The following KSR2 variants were observed in gnomAD, a reference collection of about 807,000 sequenced individuals.
KSR2 encodes the protein kinase suppressor of ras 2.
Under a neutral mutation model 107.8 loss-of-function variants are expected in KSR2, and 25 were observed. The ratio of observed to expected loss-of-function variants is 0.23; its 90% CI spans 0.17 to 0.32. The LOEUF is 0.32. Ranked by LOEUF, KSR2 falls within the 10% of genes least tolerant of loss-of-function variation. The pLI is 1.00. For synonymous variants in KSR2, 480 were observed against 507.0 expected (o/e 0.95, Z 0.71); for missense variants, 887 against 1,268.9 (o/e 0.70, Z 4.57).
intron 3 of KSR2, among the ~76,000 whole-genome samples, chr12:117,851,897 A>AG (rs1349594789): frequency 6.6e-6 from 1 of 152,062 alleles, no homozygotes; most frequent in Non-Finnish European, 1.5e-5. Context: ...TTAAAAAAAA[A>AG]AAAAAGAAAG....
At chr12:117,479,593 A>C (rs1565865633) in intron 16 of KSR2, among the ~76,000 whole-genome samples, 2 of 152,194 alleles carry the variant, frequency 1.3e-5, no homozygotes, top group Admixed American at 6.5e-5. Context: ...ACATCATCAA[A>C]TGTCCCCTGG....
intron 18 of KSR2, among the ~76,000 whole-genome samples, chr12:117,470,141 CTA>C (rs1013811010): frequency 5.9e-5 from 9 of 151,634 alleles, no homozygotes; most frequent in Non-Finnish European, 1.2e-4. Flanking sequence ...ATGCATGCAT[CTA>C]TATATCCACC....
chr12:117,862,153 C>T (rs1893321428), intron 1 of KSR2, among the ~76,000 whole-genome samples: 1 of 151,742 alleles, frequency 6.6e-6, no homozygotes, highest in South Asian at 2.1e-4. Context: ...CCTTGAACTC[C>T]CTGGCTCAAG....
intron 3 of KSR2, among the ~76,000 whole-genome samples, chr12:117,813,517 C>G (rs1891272801): frequency 6.6e-6 from 1 of 152,060 alleles, no homozygotes; most frequent in African/African-American, 2.4e-5. Flanking sequence ...ATACATATGG[C>G]CAACAGGTAT....
intron 3 of KSR2, among the ~76,000 whole-genome samples, chr12:117,798,214 GAGA>G (rs1402469578): frequency 1.3e-5 from 2 of 152,198 alleles, no homozygotes; most frequent in African/African-American, 2.4e-5. Flanking sequence ...GGGAAAAGTG[GAGA>G]AGAAGCTGCC....
rs1231042543 is a variant in KSR2 at position 117,609,624 on chromosome 12, T to C, written c.1172-27265A>G. ...GAACACAGTTGCACCTGCTCACTTTTGTGTTGTCTGTGGCTGCTTTTGTAC... is the reference window on the plus strand; with the variant it reads ...GAACACAGTTGCACCTGCTCACTTTCGTGTTGTCTGTGGCTGCTTTTGTAC... On this transcript the variant is annotated intron_variant, in intron 5 of 19. Transcript: ENST00000339824. Among the ~76,000 whole-genome samples, 3 of 152,228 alleles carry C rather than the reference T, an allele frequency of 2.0e-5. No individual in the cohort carries two copies. In the East Asian group the frequency reaches 5.8e-4, roughly 29 times the overall value.
chr12:117,963,610 AC>A (rs1490942986), intron 1 of KSR2, among the ~76,000 whole-genome samples: 1 of 151,934 alleles, frequency 6.6e-6, no homozygotes, highest in Non-Finnish European at 1.5e-5. Flanking sequence ...CTCAAAAAAA[AC>A]AAAACAAAAA....
intron 1 of KSR2, among the ~76,000 whole-genome samples, chr12:117,877,902 A>C (rs1258698796): frequency 6.6e-6 from 1 of 152,212 alleles, no homozygotes; most frequent in East Asian, 1.9e-4. Flanking sequence ...CAAGGTCCCC[A>C]GATAGCTCAG....
At chr12:117,846,131 T>C (rs1041560255) in intron 3 of KSR2, among the ~76,000 whole-genome samples, 1 of 152,054 alleles carries the variant, frequency 6.6e-6, no homozygotes, top group African/African-American at 2.4e-5. Flanking sequence ...CACCATTGCA[T>C]AGGCCAATTC....
chr12:117,605,580 T>C (rs536978559), intron 5 of KSR2, among the ~76,000 whole-genome samples: 1 of 152,266 alleles, frequency 6.6e-6, no homozygotes, highest in Admixed American at 6.5e-5. Flanking sequence ...CAGTATGTGT[T>C]GTTCCCCTTC....
At chr12:117,740,736 G>A (rs1222618432) in intron 4 of KSR2, among the ~76,000 whole-genome samples, 2 of 150,158 alleles carry the variant, frequency 1.3e-5, no homozygotes, top group Non-Finnish European at 3.0e-5. Flanking sequence ...CATTTGGGCT[G>A]GTTCCATATT....
Position 117,923,984 on chromosome 12 carries a change from A to G in KSR2, c.180+44092T>C, listed in dbSNP as rs554769909. On this transcript the variant is annotated intron_variant, in intron 1 of 19. Coordinates refer to ENST00000339824, the MANE Select transcript of KSR2 (RefSeq NM_173598.6). ...ACTTCCACTTCCGGGGTTCAAGTGAATCTCCTGCCTCAGCCTCCCGAGTAG... is the reference window on the plus strand; with the variant it reads ...ACTTCCACTTCCGGGGTTCAAGTGAGTCTCCTGCCTCAGCCTCCCGAGTAG... 2.1e-3 allele frequency among the ~76,000 whole-genome samples: 324 copies of G among 151,128 alleles called. 3 individuals carry two copies. The highest frequency in any genetic ancestry group is 3.5e-3 in the Admixed American group (53 of 15,140).
intron 4 of KSR2, among the ~76,000 whole-genome samples, chr12:117,718,841 G>C (rs7956318): frequency 6.6e-6 from 1 of 152,156 alleles, no homozygotes; most frequent in Admixed American, 6.5e-5. Flanking sequence ...GTTGATCCCC[G>C]CTATGTCCCC....
chr12:117,525,234 G>C lies in KSR2; in HGVS notation c.1852-15C>G, dbSNP rs1214260165. 7.6e-6 allele frequency: 12 copies of C among 1,570,348 alleles called. No homozygotes were observed. The highest frequency in any genetic ancestry group is 1.0e-5 in the Non-Finnish European group (12 of 1,154,838). On this transcript the variant is annotated splice_polypyrimidine_tract_variant and intron_variant, in intron 13 of 19. Coordinates refer to ENST00000339824, the MANE Select transcript of KSR2 (RefSeq NM_173598.6). The stretch of plus-strand genomic sequence containing the variant: ...ACCTCTTCATTCTGTGGCCGGAGTG[G>C]GAGAGAGGTCAGAATTGTGTCTGCC...
chr12:117,538,416 T>G (rs1876206611), intron 10 of KSR2, among the ~76,000 whole-genome samples: 1 of 152,184 alleles, frequency 6.6e-6, no homozygotes, highest in Non-Finnish European at 1.5e-5. Flanking sequence ...GATTGGCTTG[T>G]CCTCAGATGG....
chr12:117,490,801 C>T (rs778257540), intron 14 of KSR2, among the ~76,000 whole-genome samples: 4 of 152,004 alleles, frequency 2.6e-5, no homozygotes, highest in African/African-American at 7.2e-5. Flanking sequence ...TTAAGTAGAG[C>T]GGGGATGAAT....
At chr12:117,636,729 G>A (rs1272240555) in intron 5 of KSR2, among the ~76,000 whole-genome samples, 3 of 152,240 alleles carry the variant, frequency 2.0e-5, no homozygotes, top group Non-Finnish European at 2.9e-5. Context: ...AGAACAATAC[G>A]TTTATGACCT....
At chr12:117,650,563 G>T (rs943209277) in intron 5 of KSR2, among the ~76,000 whole-genome samples, 5 of 152,088 alleles carry the variant, frequency 3.3e-5, no homozygotes, top group Admixed American at 3.3e-4. Context: ...AAATGCTAAG[G>T]ACTCTACTTC....
At chr12:117,561,653 T>C (rs1878127495) in intron 7 of KSR2, among the ~76,000 whole-genome samples, 1 of 152,236 alleles carries the variant, frequency 6.6e-6, no homozygotes, top group Non-Finnish European at 1.5e-5. Context: ...TATAACTACC[T>C]GAGTCAAAAT....
Sources: allele counts gnomAD v4.1 joint callset (sites outside exome capture counted in the v4.1 genomes callset), GRCh38; gene constraint gnomAD v4.1.1; transcripts MANE v1.5; gene names NCBI Gene and HGNC (gene_info 2026-07-23, HGNC 2026-07-21).